TNFRSF14: variants seen among roughly 807,000 people sequenced by gnomAD.
TNFRSF14 encodes the protein TNF receptor superfamily member 14.
TNFRSF14 carries 18 observed loss-of-function variants against 34.1 expected under a neutral mutation model. The observed-to-expected ratio is 0.53, with a 90% CI of 0.36 to 0.78. The LOEUF (loss-of-function observed/expected upper bound fraction) is 0.78. Among genes scored for constraint, TNFRSF14 ranks in the 30% least tolerant of loss-of-function variants. The pLI, the probability that TNFRSF14 is intolerant of heterozygous loss-of-function variation, is 0.00. For synonymous variants in TNFRSF14, 157 were observed against 153.2 expected, an observed-to-expected ratio of 1.02 and a Z score of -0.18; for missense variants, 352 against 379.5, an observed-to-expected ratio of 0.93 and a Z score of 0.60.
upstream of TNFRSF14, chr1:2,554,764 C>T (rs1644190025): frequency 6.6e-6 from 1 of 152,304 alleles, no homozygotes; most frequent in Non-Finnish European, 1.5e-5. The surrounding 1 kb of genome is among the most constrained non-coding windows in gnomAD (Gnocchi z 4.2). Flanking sequence ...AGTTTCCCTC[C>T]TCCCCAGGGT....
upstream of TNFRSF14, chr1:2,554,739 C>T (rs951285646): frequency 1.3e-5 from 2 of 152,320 alleles, no homozygotes; most frequent in Non-Finnish European, 2.9e-5. The surrounding 1 kb of genome is among the most constrained non-coding windows in gnomAD (Gnocchi z 4.2). Flanking sequence ...TTAGTCTTGT[C>T]TCTTGCCATG....
At chr1:2,562,956 C>G (rs1369035979) in intron 7 of TNFRSF14, 60 bp downstream of exon 7, 3 of 1,543,562 alleles carry the variant, frequency 1.9e-6, no homozygotes, top group Non-Finnish European at 2.7e-6. Context: ...CCTCTCCCCG[C>G]TGGGGCTGGT....
Position 2,560,895 on chromosome 1 carries a change from C to G in TNFRSF14, c.551+181C>G, listed in dbSNP as rs572553858. 2.7e-4 allele frequency: 167 copies of G among 610,436 alleles called. 1 individual carries two copies. The South Asian group carries it at 3.3e-3, about 12-fold the overall frequency. 37.8% of individuals were successfully genotyped at this position (610,436 alleles called of 1,614,324 possible). On this transcript the variant is annotated intron_variant, in intron 5 of 7. Transcript: ENST00000355716. ...CTGAAGCCTGTGTGCCCCAGATAAC[C>G]CCTTCCATGGGCCCAGACAAAGCCT...
chr1:2,562,697 C>A, intron 6 of TNFRSF14, 168 bp from the exon 7 acceptor site: 2 of 902,466 alleles, frequency 2.2e-6, no homozygotes. Context: ...CTAGCAGTCC[C>A]AACACAGTTG....
At chr1:2,558,114 C>T (rs754991216) in intron 2 of TNFRSF14, among the ~76,000 whole-genome samples, 11 of 152,320 alleles carry the variant, frequency 7.2e-5, no homozygotes, top group East Asian at 1.9e-4. Context: ...ATACCAGAGC[C>T]GGGCCAGGTG....
chr1:2,558,899 A>T (rs1644261131), intron 3 of TNFRSF14: 5 of 1,353,214 alleles, frequency 3.7e-6, no homozygotes, highest in Non-Finnish European at 4.9e-6. Flanking sequence ...TCCCCCTGTG[A>T]CCTCAGGGGA....
chr1:2,557,874 G>C (rs1557475424), intron 2 of TNFRSF14, 40 bp downstream of exon 2: 1 of 1,513,096 alleles, frequency 6.6e-7, no homozygotes, highest in East Asian at 2.4e-5. Flanking sequence ...TGTGGGCCGA[G>C]GGCAGACACT....
At chr1:2,558,928 G>A in intron 3 of TNFRSF14, 1 of 1,364,808 alleles carries the variant, frequency 7.3e-7, no homozygotes, top group Non-Finnish European at 9.7e-7. Context: ...CCTGGAGGCT[G>A]GTGCCCACCT....
chr1:2,559,841 G>A lies in TNFRSF14; in HGVS notation c.323G>A (p.Ser108Asn). ...MCDPAMGLRA[S>N]RNCSRTENAV... ...ACTCCAGCCATGGGCCTGCGCGCGA[G>A]CCGGAACTGCTCCAGGACAGAGAAC... The change falls in exon 4 of 8, where the codon AGC (serine) becomes AAC (asparagine). Residue 108 changes from serine (S) to asparagine (N), a missense_variant. Ser to Asn is a conservative substitution (Grantham distance 46). Transcript: ENST00000355716. 6.8e-6 allele frequency: 11 copies of A among 1,608,478 alleles called. No homozygotes were observed. The highest frequency in any genetic ancestry group is 9.3e-6 in the Non-Finnish European group (11 of 1,178,246).
At chr1:2,562,439 G>A (rs1011836294) in intron 6 of TNFRSF14, 4 of 268,848 alleles carry the variant, frequency 1.5e-5, no homozygotes, top group Non-Finnish European at 2.2e-5. Flanking sequence ...ATCCTCACCC[G>A]GGGCCTCCAA....
chr1:2,556,092 A>C (rs1644207603), upstream of TNFRSF14: 3 of 338,472 alleles, frequency 8.9e-6, no homozygotes, highest in Admixed American at 1.3e-4. Flanking sequence ...TGGTGGGTCT[A>C]TGACTGAAAT....
chr1:2,563,057 C>T, intron 7 of TNFRSF14, 91 bp from the exon 8 acceptor site: 5 of 1,593,806 alleles, frequency 3.1e-6, no homozygotes, highest in Non-Finnish European at 4.3e-6. Context: ...GAACCCACCC[C>T]CTCAAACTGA....
chr1:2,563,083 C>T, intron 7 of TNFRSF14, 65 bp from the exon 8 acceptor site: 2 of 1,602,728 alleles, frequency 1.2e-6, no homozygotes, highest in Non-Finnish European at 1.7e-6. Context: ...GTAAAATGAA[C>T]CCGAGAACCT....
At chr1:2,560,943 G>A in intron 5 of TNFRSF14, 1 of 531,600 alleles carries the variant, frequency 1.9e-6, no homozygotes, top group Non-Finnish European at 3.3e-6. Context: ...GCTTCCTGGA[G>A]GCTCAGGATG....
chr1:2,558,493 A>C (rs767554504), intron 3 of TNFRSF14, 25 bp downstream of exon 3: 1 of 1,611,670 alleles, frequency 6.2e-7, no homozygotes, highest in Non-Finnish European at 8.5e-7. Flanking sequence ...CAGCCGGCCC[A>C]GCCTCCGCTT....
Position 2,561,844 on chromosome 1 carries a change from C to T in TNFRSF14, c.694+29C>T. ...AGCACACGGCGGCCCCATCAGGGCT[C>T]ATGTCCCCAGCCGTCACCTCTTGGA... On this transcript the variant is annotated intron_variant, in intron 6 of 7. Transcript: ENST00000355716. The surrounding 1 kb of genome is among the most constrained non-coding windows in gnomAD (Gnocchi z 6.0). 6.2e-7 allele frequency: 1 copy of T among 1,605,916 alleles called. No individual in the cohort carries two copies. Among genetic ancestry groups the T allele is most frequent in the Non-Finnish European group, 8.5e-7 (1 of 1,175,466 alleles).
rs926706039 is a variant in TNFRSF14, at chr1:2,561,425, G to A, written c.552-248G>A. The A allele has an allele frequency of 2.0e-5, 29 of 1,434,064 alleles. No individual in the cohort carries two copies. Among genetic ancestry groups the A allele is most frequent in the African/African-American group, 5.8e-5 (4 of 69,464 alleles). 88.8% of individuals were successfully genotyped at this position (1,434,064 alleles called of 1,614,324 possible). A position where few individuals can be genotyped will look rare whatever the true frequency, so the allele number is the denominator to read the frequency against. The stretch of plus-strand genomic sequence containing the variant: ...CGCTTCTCTCCCCTCTCCCTCTGCC[G>A]TCCTGTCTCCTTTGCCCAGTCTCTC... On this transcript the variant is annotated intron_variant, in intron 5 of 7. Transcript: ENST00000355716. This position sits in a 1 kb window ranked among gnomAD's most constrained non-coding sequence, Gnocchi z 6.0.
At chr1:2,559,501 T>G in intron 3 of TNFRSF14, 1 of 1,470,966 alleles carries the variant, frequency 6.8e-7, no homozygotes, top group Non-Finnish European at 9.0e-7. Flanking sequence ...AGGACCTGCC[T>G]GCGGGACCCT....
upstream of TNFRSF14, chr1:2,556,129 A>C: frequency 2.7e-6 from 1 of 363,986 alleles, no homozygotes; most frequent in South Asian, 2.3e-5. Context: ...TGGTGGTTTT[A>C]TTCGGAAGGG....
Sources: allele counts gnomAD v4.1 joint callset (sites outside exome capture counted in the v4.1 genomes callset), GRCh38; gene constraint gnomAD v4.1.1; non-coding constraint Gnocchi (gnomAD v3.1); transcripts MANE v1.5; gene names NCBI Gene and HGNC (gene_info 2026-07-23, HGNC 2026-07-21).